Variants in JDP2 observed in about 807,000 individuals in gnomAD.
The protein encoded by JDP2 is progesterone receptor co-activator.
Under a neutral mutation model 17.1 loss-of-function variants are expected in JDP2, and 9 were observed. The ratio of observed to expected loss-of-function variants is 0.53; its 90% CI spans 0.32 to 0.92. JDP2 has a LOEUF of 0.92. Among genes scored for constraint, JDP2 ranks in the 40% least tolerant of loss-of-function variants. JDP2 has a pLI of 0.04. For missense variants in JDP2, 179 were observed against 220.0 expected, an observed-to-expected ratio of 0.81 and a Z score of 1.18; for synonymous variants, 107 against 95.6, an observed-to-expected ratio of 1.12 and a Z score of -0.69.
At chr14:75,439,018 G>A (rs765517733) in intron 2 of JDP2, among the ~76,000 whole-genome samples, 5 of 152,216 alleles carry the variant, frequency 3.3e-5, no homozygotes, top group East Asian at 3.8e-4. Flanking sequence ...TCGGGAGGGC[G>A]CAGGAAGCAG....
chr14:75,444,350 C>T (rs570394826), intron 2 of JDP2, among the ~76,000 whole-genome samples: 1 of 152,154 alleles, frequency 6.6e-6, no homozygotes, highest in Non-Finnish European at 1.5e-5. Flanking sequence ...GAATCAAAAA[C>T]CTGTTTCTTG....
chr14:75,433,799 C>T (rs1469293430), intron 1 of JDP2, among the ~76,000 whole-genome samples: 1 of 152,084 alleles, frequency 6.6e-6, no homozygotes, highest in Non-Finnish European at 1.5e-5. Context: ...CATTGCCAGT[C>T]TTCTTGGATT....
intron 2 of JDP2, among the ~76,000 whole-genome samples, chr14:75,441,657 G>A (rs1053639709): frequency 6.6e-6 from 1 of 152,236 alleles, no homozygotes; most frequent in African/African-American, 2.4e-5. Flanking sequence ...TGGTTGGCCA[G>A]GGACCCTGGG....
At chr14:75,450,126 CA>C (rs1185569374) in intron 2 of JDP2, among the ~76,000 whole-genome samples, 1 of 152,200 alleles carries the variant, frequency 6.6e-6, no homozygotes, top group African/African-American at 2.4e-5. Context: ...AGACATGCTG[CA>C]TCTGGCTGAG....
chr14:75,448,704 C>T (rs558575608), intron 2 of JDP2, among the ~76,000 whole-genome samples: 4 of 152,314 alleles, frequency 2.6e-5, no homozygotes, highest in South Asian at 4.1e-4. Context: ...CAATTAATTA[C>T]GCTGCCGAGC....
At chr14:75,445,142 A>C (rs1885536806) in intron 2 of JDP2, 1 of 985,260 alleles carries the variant, frequency 1.0e-6, no homozygotes. Context: ...CTCCTGGGTG[A>C]GGCTCATCTG....
At chr14:75,432,255 T>C (rs1884839354) in intron 1 of JDP2, 1 of 1,484,986 alleles carries the variant, frequency 6.7e-7, no homozygotes, top group Non-Finnish European at 9.2e-7. Context: ...TCATTCAGAT[T>C]CCAAGAGAGA....
chr14:75,469,510 G>A lies in JDP2; in HGVS notation c.*35G>A. 2 of 1,597,678 alleles carry A rather than the reference G, an allele frequency of 1.3e-6. No homozygotes were observed. Among genetic ancestry groups the A allele is most frequent in the Non-Finnish European group, 1.7e-6 (2 of 1,171,338 alleles). On this transcript the variant is annotated 3_prime_UTR_variant, in exon 4 of 4. Coordinates refer to ENST00000651602, the MANE Select transcript of JDP2 (RefSeq NM_001135048.2). ...GGGAGGAGGTGGAGGAGGAGGAAGA[G>A]GAGAAGGAAAAGTGACGAAGAGAGA...
At chr14:75,457,858 C>T (rs951891775) in intron 2 of JDP2, among the ~76,000 whole-genome samples, 17 of 152,352 alleles carry the variant, frequency 1.1e-4, no homozygotes, top group South Asian at 6.2e-4. Context: ...GAGGCCACCC[C>T]GGCAGAGAAA....
chr14:75,462,260 G>T (rs1245864245), intron 3 of JDP2, among the ~76,000 whole-genome samples: 2 of 152,196 alleles, frequency 1.3e-5, no homozygotes, highest in Non-Finnish European at 2.9e-5. Flanking sequence ...TGACCAGAAA[G>T]CTAATCAGTG....
At chr14:75,443,462 A>G (rs1001383775) in intron 2 of JDP2, among the ~76,000 whole-genome samples, 1 of 152,164 alleles carries the variant, frequency 6.6e-6, no homozygotes, top group Non-Finnish European at 1.5e-5. Context: ...GAGAGGTCCA[A>G]TCTGTCCTCT....
At chr14:75,462,648 G>A (rs58473916) in intron 3 of JDP2, among the ~76,000 whole-genome samples, 5,604 of 152,252 alleles carry the variant, frequency 0.037, 340 homozygotes, top group African/African-American at 0.13. Context: ...GCATCCGTGT[G>A]TTGGGTACAC....
rs1457960355 is a variant in JDP2, at chr14:75,473,447, C to T, written c.*3972C>T. On this transcript the variant is annotated 3_prime_UTR_variant, in exon 4 of 4. Coordinates refer to ENST00000651602, the MANE Select transcript of JDP2 (RefSeq NM_001135048.2). ...TAACCAGTAAAACTAAAGCTAAACG[C>T]ATCCTTTGACCTAGCAGTTTTCCTC... The T allele has an allele frequency of 1.3e-5, 2 of 152,254 alleles. No individual in the cohort carries two copies. The highest frequency in any genetic ancestry group is 1.3e-4 in the Admixed American group (2 of 15,288). The allele number at this position is 152,254 out of a possible 1,614,324, so 9.4% of individuals were successfully genotyped here. A position where few individuals can be genotyped will look rare whatever the true frequency, so the allele number is the denominator to read the frequency against.
At chr14:75,461,358 T>C (rs1886338709) in intron 2 of JDP2, 68 bp from the exon 3 acceptor site, 1 of 1,169,148 alleles carries the variant, frequency 8.6e-7, no homozygotes, top group Non-Finnish European at 1.3e-6. Flanking sequence ...CCTCTGTCTA[T>C]GTGTCAGGAC....
intron 3 of JDP2, 114 bp from the exon 4 acceptor site, chr14:75,469,176 T>G: frequency 1.1e-6 from 1 of 939,922 alleles, no homozygotes; most frequent in Non-Finnish European, 1.6e-6. Flanking sequence ...TGCTTCTTCC[T>G]GCAGAAAACA....
chr14:75,468,683 A>G (rs569894935), intron 3 of JDP2, among the ~76,000 whole-genome samples: 1 of 152,266 alleles, frequency 6.6e-6, no homozygotes, highest in Non-Finnish European at 1.5e-5. Flanking sequence ...GTCTGTGGGC[A>G]AAGCTTCCAG....
intron 2 of JDP2, among the ~76,000 whole-genome samples, chr14:75,461,017 C>T (rs767972126): frequency 6.6e-6 from 1 of 152,204 alleles, no homozygotes; most frequent in Admixed American, 6.5e-5. Context: ...GAGTACAAGA[C>T]AGCAAGAAAG....
intron 1 of JDP2, 48 bp from the exon 2 acceptor site, chr14:75,437,850 G>A: frequency 7.2e-7 from 1 of 1,379,644 alleles, no homozygotes; most frequent in Non-Finnish European, 9.8e-7. Flanking sequence ...AGCCCTCCTG[G>A]AGCCCCCAAC....
At chr14:75,463,237 AT>A (rs1886414755) in intron 3 of JDP2, among the ~76,000 whole-genome samples, 1 of 152,232 alleles carries the variant, frequency 6.6e-6, no homozygotes, top group South Asian at 2.1e-4. Context: ...TGTGCCAGGC[AT>A]TTCCCATGTT....
Sources: allele counts gnomAD v4.1 joint callset (sites outside exome capture counted in the v4.1 genomes callset), GRCh38; gene constraint gnomAD v4.1.1; transcripts MANE v1.5; gene names NCBI Gene and HGNC (gene_info 2026-07-23, HGNC 2026-07-21).